The following ONECUT3 variants were observed in gnomAD, a reference collection of about 807,000 sequenced individuals.
ONECUT3 encodes one cut domain family member 3.
Under a neutral mutation model 16.8 loss-of-function variants are expected in ONECUT3, and 11 were observed. That is an observed-to-expected ratio of 0.66 (90% CI 0.41 to 1.09). The LOEUF (loss-of-function observed/expected upper bound fraction) is 1.09. Among genes scored for constraint, ONECUT3 ranks in the 50% least tolerant of loss-of-function variants. The probability of loss-of-function intolerance (pLI) is 0.00; values close to 1 mark genes in which losing one functional copy is unlikely to be tolerated. For synonymous variants in ONECUT3, 344 were observed against 310.7 expected (o/e 1.11, Z -1.13); for missense variants, 637 against 629.9 (o/e 1.01, Z -0.12).
rs1298582544 is a variant in ONECUT3 at position 1,762,033 on chromosome 19, G to A, written c.1192+7179G>A. On this transcript the variant is annotated intron_variant, in intron 1 of 1. Coordinates refer to ENST00000382349, the MANE Select transcript of ONECUT3 (RefSeq NM_001080488.2). The surrounding 1 kb of genome is among the most constrained non-coding windows in gnomAD (Gnocchi z 4.4). Reference sequence around the variant, plus strand: ...CGCACCCGGAGACACGTGTGTAGACGCCTCCGTTCACACTGGGACGAGTGC... The same window carrying A: ...CGCACCCGGAGACACGTGTGTAGACACCTCCGTTCACACTGGGACGAGTGC... Among the ~76,000 whole-genome samples, 3 of 151,970 alleles carry A rather than the reference G, an allele frequency of 2.0e-5. No homozygotes were observed. Among genetic ancestry groups the A allele is most frequent in the Non-Finnish European group, 4.4e-5 (3 of 67,964 alleles).
rs1017591708 is a variant in ONECUT3, at chr19:1,755,381, C to G, written c.1192+527C>G. On this transcript the variant is annotated intron_variant, in intron 1 of 1. Transcript: ENST00000382349. This position sits in a 1 kb window ranked among gnomAD's most constrained non-coding sequence, Gnocchi z 7.5. ...GCAGCTCAGCAGCAGAGGCCGAGCC[C>G]GCGCTCATCCCCCCACCTGCCCCAG... is the stretch of plus-strand genomic sequence containing the variant. Among the ~76,000 whole-genome samples, 4 of 152,116 alleles carry G rather than the reference C, an allele frequency of 2.6e-5. No individual in the cohort carries two copies. Among genetic ancestry groups the G allele is most frequent in the Non-Finnish European group, 5.9e-5 (4 of 68,008 alleles).
In ONECUT3 at chr19:1,780,868, C is replaced by T. The variant is rs2068151468; in HGVS notation, c.*5423C>T. The T allele has an allele frequency of 6.6e-6, 1 of 151,528 alleles. No homozygotes were observed. Among genetic ancestry groups the T allele is most frequent in the African/African-American group, 2.4e-5 (1 of 41,116 alleles). The allele number at this position is 151,528 out of a possible 1,614,324, so 9.4% of individuals were successfully genotyped here. A position where few individuals can be genotyped will look rare whatever the true frequency, so the allele number is the denominator to read the frequency against. Reference sequence around the variant, plus strand: ...TTGAATAGACTGGAACTGAGGGCTGCTTTCAGGGGAGACACCACTTGGACC... The same window carrying T: ...TTGAATAGACTGGAACTGAGGGCTGTTTTCAGGGGAGACACCACTTGGACC... On this transcript the variant is annotated 3_prime_UTR_variant, in exon 2 of 2. Transcript: ENST00000382349.
At chr19:1,760,914 C>T (rs183998366) in intron 1 of ONECUT3, among the ~76,000 whole-genome samples, 5 of 152,222 alleles carry the variant, frequency 3.3e-5, no homozygotes, top group Admixed American at 3.3e-4. Context: ...TAATCATGAC[C>T]ATTCATTCTT....
intron 1 of ONECUT3, among the ~76,000 whole-genome samples, chr19:1,768,897 T>TGGAGGTGGTGGAGGG (rs2068020598): frequency 7.8e-6 from 1 of 128,766 alleles, no homozygotes; most frequent in South Asian, 2.8e-4. Flanking sequence ...GTGGTGGAGG[T>TGGAGGTGGTGGAGGG]GGAGGTGGTG....
Position 1,762,887 on chromosome 19 carries a change from C to T in ONECUT3, c.1192+8033C>T, listed in dbSNP as rs2067954056. ...AAGACACGTTCCTCCTCCCCTCCTC[C>T]ACCTCCCTTGTTTTTGCTCCCTGGT... On this transcript the variant is annotated intron_variant, in intron 1 of 1. Coordinates refer to ENST00000382349, the MANE Select transcript of ONECUT3 (RefSeq NM_001080488.2). The surrounding 1 kb of genome is among the most constrained non-coding windows in gnomAD (Gnocchi z 4.4). Among the ~76,000 whole-genome samples the T allele has an allele frequency of 6.6e-6, 1 of 152,226 alleles. No individual in the cohort carries two copies. The highest frequency in any genetic ancestry group is 6.5e-5 in the Admixed American group (1 of 15,292).
At position 1,758,655 on chromosome 19, in the gene ONECUT3, C is replaced by A. The variant is rs999208640; in HGVS notation, c.1192+3801C>A. 7.2e-5 allele frequency among the ~76,000 whole-genome samples: 11 copies of A among 152,096 alleles called. No homozygotes were observed. Among genetic ancestry groups the A allele is most frequent in the African/African-American group, 2.7e-4 (11 of 41,420 alleles). Reference sequence around the variant, plus strand: ...AAGCCCATTCCCATGGGGCTGGGAGCCTCACCCTACCCCCACCCCATGGTC... The same window carrying A: ...AAGCCCATTCCCATGGGGCTGGGAGACTCACCCTACCCCCACCCCATGGTC... On this transcript the variant is annotated intron_variant, in intron 1 of 1. Transcript: ENST00000382349. The surrounding 1 kb of genome is among the most constrained non-coding windows in gnomAD (Gnocchi z 5.9).
intron 1 of ONECUT3, among the ~76,000 whole-genome samples, chr19:1,772,615 A>C (rs2068065294): frequency 6.7e-6 from 1 of 148,844 alleles, no homozygotes; most frequent in Admixed American, 6.7e-5. Context: ...TCATCCTCTA[A>C]CTTTTTATTC....
chr19:1,779,848 T>C lies in ONECUT3; in HGVS notation c.*4403T>C, dbSNP rs530425076. The C allele has an allele frequency of 3.3e-5, 5 of 151,866 alleles. No homozygotes were observed. The South Asian group carries it at 1.0e-3, about 32-fold the overall frequency. 9.4% of individuals were successfully genotyped at this position (151,866 alleles called of 1,614,324 possible). On this transcript the variant is annotated 3_prime_UTR_variant, in exon 2 of 2. Coordinates refer to ENST00000382349, the MANE Select transcript of ONECUT3 (RefSeq NM_001080488.2). ...AGAGGGGGCGGGAACAGAGCCTCAG[T>C]AGCCGGGTCTCCTCCACCTGCCTGT...
At chr19:1,770,839 C>T (rs2068048124) in intron 1 of ONECUT3, among the ~76,000 whole-genome samples, 1 of 152,208 alleles carries the variant, frequency 6.6e-6, no homozygotes, top group Non-Finnish European at 1.5e-5. Context: ...TCTCTCCTTT[C>T]ACACATAAAA....
rs1013700252 is a variant in ONECUT3 at position 1,759,763 on chromosome 19, G to A, written c.1192+4909G>A. Among the ~76,000 whole-genome samples, 1 of 152,116 alleles carries A rather than the reference G, an allele frequency of 6.6e-6. No individual in the cohort carries two copies. Among genetic ancestry groups the A allele is most frequent in the African/African-American group, 2.4e-5 (1 of 41,414 alleles). On this transcript the variant is annotated intron_variant, in intron 1 of 1. Coordinates refer to ENST00000382349, the MANE Select transcript of ONECUT3 (RefSeq NM_001080488.2). This position sits in a 1 kb window ranked among gnomAD's most constrained non-coding sequence, Gnocchi z 4.1. ...TGAGAAATGGGCAGAATGAAATGAC[G>A]CCTAGGAGAGGGGGTATGAGGGGCT...
Position 1,767,637 on chromosome 19 carries a change from C to G in ONECUT3, c.1193-7516C>G, listed in dbSNP as rs533790882. 4.6e-5 allele frequency among the ~76,000 whole-genome samples: 7 copies of G among 152,290 alleles called. No homozygotes were observed. In the East Asian group the frequency reaches 1.4e-3, roughly 29 times the overall value. On this transcript the variant is annotated intron_variant, in intron 1 of 1. Coordinates refer to ENST00000382349, the MANE Select transcript of ONECUT3 (RefSeq NM_001080488.2). ...GACGGCTGCCCTCTGCTGGACACAG[C>G]GGGAACAGCAGGGATAACTGAGCGA...
At chr19:1,763,584 A>G (rs2067959371) in intron 1 of ONECUT3, among the ~76,000 whole-genome samples, 1 of 151,984 alleles carries the variant, frequency 6.6e-6, no homozygotes, top group Non-Finnish European at 1.5e-5. Context: ...ACATGATTTT[A>G]CAATAGTTAA....
In ONECUT3 at chr19:1,754,969, C is replaced by T; in HGVS notation, c.1192+115C>T. 8.1e-7 allele frequency: 1 copy of T among 1,235,394 alleles called. No individual in the cohort carries two copies. Among genetic ancestry groups the T allele is most frequent in the Non-Finnish European group, 1.0e-6 (1 of 978,944 alleles). The allele number at this position is 1,235,394 out of a possible 1,614,324, so 76.5% of individuals were successfully genotyped here. The stretch of plus-strand genomic sequence containing the variant: ...AGCGCCCCAAGCCCCGCCCGTGCGC[C>T]CCGGCAGCCCGGGACCCCCTATCAG... On this transcript the variant is annotated intron_variant, in intron 1 of 1. Coordinates refer to ENST00000382349, the MANE Select transcript of ONECUT3 (RefSeq NM_001080488.2). This position sits in a 1 kb window ranked among gnomAD's most constrained non-coding sequence, Gnocchi z 7.4.
intron 1 of ONECUT3, among the ~76,000 whole-genome samples, chr19:1,771,988 A>T (rs1183547961): frequency 7.1e-6 from 1 of 141,322 alleles, no homozygotes; most frequent in Non-Finnish European, 1.5e-5. Context: ...CTATTTAGTT[A>T]TTATTTATTT....
chr19:1,754,417 TG>T lies in ONECUT3; in HGVS notation c.758del (p.Gly253AspfsTer82). On this transcript the variant is annotated frameshift_variant, in exon 1 of 2. Coordinates refer to ENST00000382349, the MANE Select transcript of ONECUT3 (RefSeq NM_001080488.2). LOFTEE classifies it high-confidence loss of function. This position sits in a 1 kb window ranked among gnomAD's most constrained non-coding sequence, Gnocchi z 7.4. ...GCCTTCGAGCCGCACGCCGCGCTGC[TG>T]GGACGCGCGGAGGACGCACTGGCCC... ...PAAFEPHAALLGRAEDALARG... is the reference protein window; with the variant it reads ...PAAFEPHAALXGRAEDALARG... The T allele has an allele frequency of 9.4e-7, 1 of 1,059,654 alleles. No individual in the cohort carries two copies. The highest frequency in any genetic ancestry group is 1.1e-6 in the Non-Finnish European group (1 of 874,652). 65.6% of individuals were successfully genotyped at this position (1,059,654 alleles called of 1,614,324 possible). A position where few individuals can be genotyped will look rare whatever the true frequency, so the allele number is the denominator to read the frequency against.
chr19:1,763,455 A>G (rs1248804768), intron 1 of ONECUT3, among the ~76,000 whole-genome samples: 1 of 145,344 alleles, frequency 6.9e-6, no homozygotes, highest in East Asian at 2.1e-4. Flanking sequence ...CTGAGCCAGG[A>G]GGATCTCTTG....
chr19:1,761,209 C>T (rs568475249), intron 1 of ONECUT3, among the ~76,000 whole-genome samples: 3 of 152,070 alleles, frequency 2.0e-5, no homozygotes, highest in South Asian at 2.1e-4. Context: ...TGAGCCACCA[C>T]GCCCAGCTAA....
At position 1,778,913 on chromosome 19, in the gene ONECUT3, C is replaced by CACACACACACACACACACACA. The variant is rs2068134193; in HGVS notation, c.*3468_*3469insACACACACACACACACACACA. 1 of 149,208 alleles carries CACACACACACACACACACACA rather than the reference C, an allele frequency of 6.7e-6. No homozygotes were observed. Among genetic ancestry groups the CACACACACACACACACACACA allele is most frequent in the African/African-American group, 2.5e-5 (1 of 39,676 alleles). 9.2% of individuals were successfully genotyped at this position (149,208 alleles called of 1,614,324 possible). ...ACACACACACACACACACACACACA[C>CACACACACACACACACACACA]CCCTACCTGTTTCCGGACCCCACCC... On this transcript the variant is annotated 3_prime_UTR_variant, in exon 2 of 2. Coordinates refer to ENST00000382349, the MANE Select transcript of ONECUT3 (RefSeq NM_001080488.2).
chr19:1,769,713 G>A (rs75331415), intron 1 of ONECUT3, among the ~76,000 whole-genome samples: 19,831 of 152,068 alleles, frequency 0.13, 1,665 homozygotes, highest in Non-Finnish European at 0.17. Context: ...GCGGCTGTGG[G>A]GGATGGGAGC....
Sources: allele counts gnomAD v4.1 joint callset (sites outside exome capture counted in the v4.1 genomes callset), GRCh38; gene constraint gnomAD v4.1.1; non-coding constraint Gnocchi (gnomAD v3.1); transcripts MANE v1.5; gene names NCBI Gene and HGNC (gene_info 2026-07-23, HGNC 2026-07-21).